GANC: variants seen among roughly 807,000 people sequenced by gnomAD.
GANC encodes the protein neutral alpha-glucosidase C.
A neutral mutation model predicts 124.2 loss-of-function variants in GANC; 117 were observed. The ratio of observed to expected loss-of-function variants is 0.94; its 90% CI spans 0.81 to 1.10. The LOEUF (loss-of-function observed/expected upper bound fraction) is 1.10. GANC is among the 50% of genes least tolerant of loss of function. GANC has a pLI of 0.00. For synonymous variants in GANC, 377 were observed against 376.8 expected, an observed-to-expected ratio of 1.00 and a Z score of -0.01; for missense variants, 1,140 against 1,095.0, an observed-to-expected ratio of 1.04 and a Z score of -0.58.
chr15:42,294,093 C>T (rs1316443771), intron 5 of GANC, among the ~76,000 whole-genome samples: 12 of 151,216 alleles, frequency 7.9e-5, no homozygotes, highest in Non-Finnish European at 1.6e-4. Flanking sequence ...TTTGTAAACC[C>T]CGATGATTTT....
chr15:42,339,667 A>G lies in GANC; in HGVS notation c.1844-2A>G, dbSNP rs765956347. On this transcript the variant is annotated splice_acceptor_variant, in intron 16 of 23. Coordinates refer to ENST00000318010, the MANE Select transcript of GANC (RefSeq NM_198141.3). LOFTEE classifies it high-confidence loss of function. ...CCTCACTTGGCCTTCTTTTGCTTCC[A>G]GCTGACATAGGCGGGTTCATTGGGA... 1.9e-6 allele frequency: 3 copies of G among 1,609,442 alleles called. No homozygotes were observed. The highest frequency in any genetic ancestry group is 2.2e-5 in the South Asian group (2 of 90,916).
intron 3 of GANC, chr15:42,283,520 A>T (rs2051754562): frequency 1.6e-5 from 10 of 631,840 alleles, no homozygotes; most frequent in Non-Finnish European, 2.8e-5. Flanking sequence ...GCTAGCAAGG[A>T]TGTCTGGAGC....
rs1033463003 is a variant in GANC at position 42,348,216 on chromosome 15, G to A, written c.2418G>A (p.Lys806=). 1 of 1,582,270 alleles carries A rather than the reference G, an allele frequency of 6.3e-7. No individual in the cohort carries two copies. The highest frequency in any genetic ancestry group is 8.7e-7 in the Non-Finnish European group (1 of 1,152,964). ...GACTCCGGGTTGCTCTAAGCACTAA[G>A]GTATTTGGTAAATCTGTTACTCATT... is the stretch of plus-strand genomic sequence containing the variant. ...SYGLRVALST[K]GSSVGELYLD... Residue 806 remains lysine, a splice_region_variant and synonymous_variant, in exon 21 of 24, where the codon AAG becomes AAA. Coordinates refer to ENST00000318010, the MANE Select transcript of GANC (RefSeq NM_198141.3).
At position 42,353,370 on chromosome 15, in the gene GANC, A is replaced by T. The variant is rs747233618; in HGVS notation, c.*1231A>T. 11 of 985,422 alleles carry T rather than the reference A, an allele frequency of 1.1e-5. No individual in the cohort carries two copies. The highest frequency in any genetic ancestry group is 1.3e-5 in the Non-Finnish European group (11 of 829,686). The allele number at this position is 985,422 out of a possible 1,614,324, so 61.0% of individuals were successfully genotyped here. A position where few individuals can be genotyped will look rare whatever the true frequency, so the allele number is the denominator to read the frequency against. On this transcript the variant is annotated 3_prime_UTR_variant, in exon 24 of 24. Transcript: ENST00000318010. ...TCCTTCCAGGCCCAACTTAAATCCC[A>T]CTTTCCCATGAAGCCTAACTGCGTG...
chr15:42,348,189 T>A lies in GANC; in HGVS notation c.2391T>A (p.Tyr797Ter), dbSNP rs2052383800. The A allele has an allele frequency of 6.2e-7, 1 of 1,612,372 alleles. No individual in the cohort carries two copies. Among genetic ancestry groups the A allele is most frequent in the Non-Finnish European group, 8.5e-7 (1 of 1,179,278 alleles). Residue 797 changes from tyrosine (Y) to a stop codon, truncating the protein, a stop_gained, in exon 21 of 24, where the codon TAT (tyrosine) becomes TAA (stop). Coordinates refer to ENST00000318010, the MANE Select transcript of GANC (RefSeq NM_198141.3). LOFTEE classifies it high-confidence loss of function. ...CAGGCTGGATGACTGAATCCTCCTA[T>A]GGACTCCGGGTTGCTCTAAGCACTA... is the stretch of plus-strand genomic sequence containing the variant. ...KSTGWMTESSYGLRVALSTKG... is the reference protein window; with the variant it reads ...KSTGWMTESS
chr15:42,310,563 A>G (rs1436289578), intron 9 of GANC, 100 bp downstream of exon 9: 9 of 1,465,018 alleles, frequency 6.1e-6, no homozygotes, highest in African/African-American at 2.8e-5. Context: ...TTCTCTGCCA[A>G]CAAAAGCTTT....
chr15:42,291,157 CA>C (rs567902026), intron 4 of GANC, among the ~76,000 whole-genome samples: 3 of 151,216 alleles, frequency 2.0e-5, no homozygotes, highest in East Asian at 3.9e-4. Flanking sequence ...CTATATAATG[CA>C]AAAAAAACCT....
intron 14 of GANC, 27 bp downstream of exon 14, chr15:42,329,476 G>A: frequency 6.3e-7 from 1 of 1,586,550 alleles, no homozygotes. Flanking sequence ...GAATTAAACT[G>A]GGCTTGTGTG....
In GANC at chr15:42,339,801, G is replaced by C. The variant is rs1479126785; in HGVS notation, c.1976G>C (p.Gly659Ala). The C allele has an allele frequency of 6.2e-7, 1 of 1,614,150 alleles. No homozygotes were observed. The change falls in exon 17 of 24, where the codon GGG becomes GCG. Residue 659 changes from glycine (G) to alanine (A), a missense_variant. Physicochemically the swap from Gly to Ala is moderately conservative, Grantham distance 60. Coordinates refer to ENST00000318010, the MANE Select transcript of GANC (RefSeq NM_198141.3). ...NTKRREPWLF[G>A]EEHTRLIREA... ...AAGCGACGAGAGCCCTGGCTCTTTGGGGAGGAACACACCCGACTCATCCGA... is the reference window on the plus strand; with the variant it reads ...AAGCGACGAGAGCCCTGGCTCTTTGCGGAGGAACACACCCGACTCATCCGA...
chr15:42,277,479 G>A (rs566225209), intron 2 of GANC, among the ~76,000 whole-genome samples: 52 of 150,964 alleles, frequency 3.4e-4, no homozygotes, highest in Admixed American at 4.6e-4. Context: ...GTGGTGAGCC[G>A]AGATTGTGCC....
In GANC at chr15:42,287,833, G is replaced by A. The variant is rs374400254; in HGVS notation, c.329+15G>A. 14 of 1,600,654 alleles carry A rather than the reference G, an allele frequency of 8.7e-6. No homozygotes were observed. The highest frequency in any genetic ancestry group is 7.3e-5 in the Admixed American group (4 of 54,954). On this transcript the variant is annotated intron_variant, in intron 4 of 23. Coordinates refer to ENST00000318010, the MANE Select transcript of GANC (RefSeq NM_198141.3). ...AGCACTGTAAGGTAAGCCAAGGAGC[G>A]AGGTATTTTAGAGACACGCTTGATA...
At chr15:42,293,572 C>T (rs1280055360) in intron 5 of GANC, among the ~76,000 whole-genome samples, 12 of 150,824 alleles carry the variant, frequency 8.0e-5, no homozygotes, top group Admixed American at 7.9e-4. Context: ...TTTCTCATCT[C>T]AGAACTAATA....
At chr15:42,337,335 C>T (rs1001593329) in intron 15 of GANC, among the ~76,000 whole-genome samples, 6 of 152,136 alleles carry the variant, frequency 3.9e-5, no homozygotes, top group Admixed American at 1.3e-4. Context: ...TGCCTGTGAT[C>T]TGGTCTTTGA....
intron 4 of GANC, among the ~76,000 whole-genome samples, chr15:42,290,804 T>A (rs1663866135): frequency 2.0e-5 from 3 of 152,084 alleles, no homozygotes; most frequent in Non-Finnish European, 4.4e-5. Context: ...CAAGACCCTG[T>A]CTCTAAAAAA....
chr15:42,351,925 A>G lies in GANC; in HGVS notation c.2636-105A>G, dbSNP rs932113415. The G allele has an allele frequency of 5.7e-6, 8 of 1,411,790 alleles. No homozygotes were observed. In the African/African-American group the frequency reaches 8.5e-5, roughly 15 times the overall value. The allele number at this position is 1,411,790 out of a possible 1,614,324, so 87.5% of individuals were successfully genotyped here. ...AAGTGCTATTAATTTGGAGTGGGGT[A>G]TAAGGTTTTATGATACAGTGAGAAA... On this transcript the variant is annotated intron_variant, in intron 23 of 23. Coordinates refer to ENST00000318010, the MANE Select transcript of GANC (RefSeq NM_198141.3).
At position 42,321,983 on chromosome 15, in the gene GANC, A is replaced by G. The variant is rs1595777878; in HGVS notation, c.1256A>G (p.Lys419Arg). 1 of 1,613,828 alleles carries G rather than the reference A, an allele frequency of 6.2e-7. No individual in the cohort carries two copies. Among genetic ancestry groups the G allele is most frequent in the Non-Finnish European group, 8.5e-7 (1 of 1,179,876 alleles). ...GACAAAAACAGATTCCCAAACCCCA[A>G]GAGGATGCAAGAGCTGCTCAGGAGC... ...TWDKNRFPNP[K>R]RMQELLRSKK... Residue 419 changes from lysine to arginine, a missense_variant, in exon 11 of 24, where the codon AAG (lysine) becomes AGG (arginine). Physicochemically the swap from Lys to Arg is conservative, Grantham distance 26. Transcript: ENST00000318010.
chr15:42,340,208 AT>A (rs2052319071), intron 17 of GANC, among the ~76,000 whole-genome samples: 1 of 152,246 alleles, frequency 6.6e-6, no homozygotes, highest in Non-Finnish European at 1.5e-5. Flanking sequence ...TTCATTCAGT[AT>A]TTAACCTATC....
In GANC at chr15:42,276,306, G is replaced by A. The variant is rs758678937; in HGVS notation, c.30-42G>A. On this transcript the variant is annotated intron_variant, in intron 1 of 23. Transcript: ENST00000318010. Reference sequence around the variant, plus strand: ...GAAGGTACAAAAGTTGGATTCACAAGCCCTGTGTGAAATAAATTTCTCAAA... The same window carrying A: ...GAAGGTACAAAAGTTGGATTCACAAACCCTGTGTGAAATAAATTTCTCAAA... The A allele has an allele frequency of 3.2e-6, 3 of 952,024 alleles. No individual in the cohort carries two copies. The East Asian group carries it at 7.2e-5, about 23-fold the overall frequency. The allele number at this position is 952,024 out of a possible 1,614,324, so 59.0% of individuals were successfully genotyped here.
intron 5 of GANC, among the ~76,000 whole-genome samples, chr15:42,294,888 G>A (rs2051875738): frequency 6.6e-6 from 1 of 150,646 alleles, no homozygotes; most frequent in Admixed American, 6.6e-5. Flanking sequence ...CCTTGAATAT[G>A]TGTCATTGTG....
Sources: gnomAD v4.1 joint callset for allele counts (sites outside exome capture counted in the v4.1 genomes callset) on GRCh38, gnomAD v4.1.1 for gene constraint, MANE v1.5 for transcripts, NCBI Gene and HGNC (gene_info 2026-07-23, HGNC 2026-07-21) for gene names.